The following CDKL1 variants were observed in gnomAD, a reference collection of about 807,000 sequenced individuals.
The protein encoded by CDKL1 is cyclin dependent kinase like 1, also known as cyclin-dependent kinase-like 1.
CDKL1 carries 41 observed loss-of-function variants against 42.0 expected under a neutral mutation model. That is an observed-to-expected ratio of 0.98 (90% CI 0.76 to 1.27). The LOEUF is 1.27. CDKL1 is among the 50% of genes most tolerant of loss of function. CDKL1 has a pLI of 0.00. For synonymous variants in CDKL1, 153 were observed against 158.6 expected (o/e 0.96, Z 0.26); for missense variants, 394 against 428.4 (o/e 0.92, Z 0.71).
At chr14:50,337,191 T>C (rs1256131800) in intron 7 of CDKL1, among the ~76,000 whole-genome samples, 2 of 151,908 alleles carry the variant, frequency 1.3e-5, no homozygotes, top group Admixed American at 6.6e-5. Flanking sequence ...GTATTTTTAG[T>C]AGAGACAGGG....
At chr14:50,360,157 G>A (rs1186830639) in intron 2 of CDKL1, among the ~76,000 whole-genome samples, 1 of 152,076 alleles carries the variant, frequency 6.6e-6, no homozygotes, top group East Asian at 1.9e-4. Flanking sequence ...ACAATCAAAT[G>A]TTGTTTTATC....
chr14:50,350,397 A>C (rs1400244706), intron 3 of CDKL1, among the ~76,000 whole-genome samples: 1 of 152,198 alleles, frequency 6.6e-6, no homozygotes, highest in Non-Finnish European at 1.5e-5. Flanking sequence ...TACTCCCTTT[A>C]ATAGCTCTTC....
At chr14:50,356,153 C>G (rs1000951835) in intron 3 of CDKL1, among the ~76,000 whole-genome samples, 11 of 152,216 alleles carry the variant, frequency 7.2e-5, no homozygotes, top group African/African-American at 2.7e-4. Context: ...GCAACACCAG[C>G]ATCAGTAGCT....
rs1340730831 is a variant in CDKL1, at chr14:50,344,279, G to C, written c.363+707C>G. ...AAGCAGACACTGGCACTTTGCACTGGGTTTGGGGTTCCACCTACTGCAACT... is the reference window on the plus strand; with the variant it reads ...AAGCAGACACTGGCACTTTGCACTGCGTTTGGGGTTCCACCTACTGCAACT... On this transcript the variant is annotated intron_variant, in intron 4 of 9. Coordinates refer to ENST00000395834, the MANE Select transcript of CDKL1 (RefSeq NM_004196.7). 2.0e-5 allele frequency among the ~76,000 whole-genome samples: 3 copies of C among 152,102 alleles called. No individual in the cohort carries two copies. The East Asian group carries it at 5.8e-4, about 29-fold the overall frequency.
At chr14:50,394,661 A>G (rs1207581671) in intron 2 of CDKL1, among the ~76,000 whole-genome samples, 1 of 152,194 alleles carries the variant, frequency 6.6e-6, no homozygotes, top group Non-Finnish European at 1.5e-5. Flanking sequence ...CCATAACTGA[A>G]ACAAAGTTGA....
At chr14:50,332,903 CTTTTTTT>C (rs35560184) in intron 8 of CDKL1, 94 of 262,916 alleles carry the variant, frequency 3.6e-4, no homozygotes, top group South Asian at 6.6e-4. Flanking sequence ...AAATCAGCTA[CTTTTTTT>C]TTTTTTTTTT....
intron 4 of CDKL1, among the ~76,000 whole-genome samples, chr14:50,343,917 T>G (rs138512797): frequency 2.6e-5 from 4 of 152,338 alleles, no homozygotes; most frequent in Non-Finnish European, 5.9e-5. Context: ...ACTCTCATAC[T>G]TCCTCCTTCC....
intron 2 of CDKL1, among the ~76,000 whole-genome samples, chr14:50,387,842 A>T (rs1247561984): frequency 1.3e-5 from 2 of 152,186 alleles, no homozygotes; most frequent in Non-Finnish European, 2.9e-5. Context: ...CCTATTAGCA[A>T]AAGCAGGATG....
At chr14:50,352,730 C>T (rs1384947812) in intron 3 of CDKL1, among the ~76,000 whole-genome samples, 3 of 152,262 alleles carry the variant, frequency 2.0e-5, no homozygotes, top group Admixed American at 2.0e-4. Flanking sequence ...CTGCCTTTGC[C>T]GTCTTCAGGC....
At chr14:50,396,894 C>G, upstream of CDKL1, 1 of 243,898 alleles carries the variant, frequency 4.1e-6, no homozygotes, top group Non-Finnish European at 7.5e-6. Flanking sequence ...CTCGGCGTGG[C>G]TCGGCCCGCG....
At position 50,382,626 on chromosome 14, in the gene CDKL1, ACT is replaced by A. The variant is rs371436978; in HGVS notation, c.168+13073_168+13074del. Among the ~76,000 whole-genome samples the A allele has an allele frequency of 7.1e-3, 875 of 123,600 alleles. 10 individuals carry two copies. Among genetic ancestry groups the A allele is most frequent in the African/African-American group, 0.026 (828 of 32,298 alleles). 81.1% of individuals were successfully genotyped at this position (123,600 alleles called of 152,430 possible). A position where few individuals can be genotyped will look rare whatever the true frequency, so the allele number is the denominator to read the frequency against. The stretch of plus-strand genomic sequence containing the variant: ...TTTTTTTATTTTTGGCCAGGGTCTC[ACT>A]CTGTCACCCAGGTGGGAGTGCAGTG... On this transcript the variant is annotated intron_variant, in intron 2 of 9. Coordinates refer to ENST00000395834, the MANE Select transcript of CDKL1 (RefSeq NM_004196.7).
In CDKL1 at chr14:50,326,582, G is replaced by A. The variant is rs1406505940; in HGVS notation, c.*3492C>T. On this transcript the variant is annotated 3_prime_UTR_variant, in exon 10 of 10. Transcript: ENST00000395834. The stretch of plus-strand genomic sequence containing the variant: ...TCTTGATAGCATACAGACTTACTCA[G>A]AATCAACAGTTGCTGCTTAATTTGT... 4 of 985,284 alleles carry A rather than the reference G, an allele frequency of 4.1e-6. No individual in the cohort carries two copies. Among genetic ancestry groups the A allele is most frequent in the Non-Finnish European group, 4.8e-6 (4 of 829,944 alleles). The allele number at this position is 985,284 out of a possible 1,614,324, so 61.0% of individuals were successfully genotyped here.
rs1275414317 is a variant in CDKL1, at chr14:50,330,150, C to T, written c.998G>A (p.Ser333Asn). 6.2e-7 allele frequency: 1 copy of T among 1,607,148 alleles called. No homozygotes were observed. Among genetic ancestry groups the T allele is most frequent in the Non-Finnish European group, 8.5e-7 (1 of 1,178,652 alleles). Residue 333 changes from serine to asparagine, a missense_variant, in exon 10 of 10, where the codon AGC (serine) becomes AAC (asparagine). By Grantham distance (46) the Ser-to-Asn change is conservative. Coordinates refer to ENST00000395834, the MANE Select transcript of CDKL1 (RefSeq NM_004196.7). ...CTTATTATCCAAAGCTGGAAGGATG[C>T]TGCTGCCAGTTAGCTGGGGTAGGTA... ...LQYLPQLTGS[S>N]ILPALDNKKY...
intron 2 of CDKL1, among the ~76,000 whole-genome samples, chr14:50,391,782 A>G (rs988912634): frequency 1.3e-5 from 2 of 152,136 alleles, no homozygotes; most frequent in African/African-American, 4.8e-5. Context: ...CTCCAACATC[A>G]AGTTTTTTCT....
At chr14:50,354,425 G>T (rs918652306) in intron 3 of CDKL1, among the ~76,000 whole-genome samples, 1 of 152,200 alleles carries the variant, frequency 6.6e-6, no homozygotes, top group African/African-American at 2.4e-5. Flanking sequence ...ATTCAGAGAA[G>T]GAACTGGTGG....
At chr14:50,372,244 A>C (rs1378504222) in intron 2 of CDKL1, among the ~76,000 whole-genome samples, 1 of 152,082 alleles carries the variant, frequency 6.6e-6, no homozygotes, top group Non-Finnish European at 1.5e-5. Flanking sequence ...CAGCCTCCTG[A>C]ATATTTGGGA....
intron 9 of CDKL1, chr14:50,331,356 G>T (rs2032930695): frequency 6.6e-6 from 1 of 152,324 alleles, no homozygotes; most frequent in Non-Finnish European, 1.5e-5. Context: ...TGGCGTGGGG[G>T]TGGAGGAGTC....
intron 4 of CDKL1, among the ~76,000 whole-genome samples, chr14:50,344,416 C>G (rs2033657957): frequency 6.6e-6 from 1 of 151,206 alleles, no homozygotes; most frequent in South Asian, 2.1e-4. Context: ...TACCTTAAAT[C>G]TGAGTAGTTT....
intron 3 of CDKL1, among the ~76,000 whole-genome samples, chr14:50,351,647 A>T (rs1360760829): frequency 6.7e-6 from 1 of 149,940 alleles, no homozygotes; most frequent in Non-Finnish European, 1.5e-5. Flanking sequence ...AGGTGGGAGG[A>T]TTATTTGAGC....
Sources: gnomAD v4.1 joint callset for allele counts (sites outside exome capture counted in the v4.1 genomes callset) on GRCh38, gnomAD v4.1.1 for gene constraint, MANE v1.5 for transcripts, NCBI Gene and HGNC (gene_info 2026-07-23, HGNC 2026-07-21) for gene names.